CSNK1A1: variants seen among roughly 807,000 people sequenced by gnomAD.
CSNK1A1 encodes casein kinase I isoform alpha.
A neutral mutation model predicts 46.1 loss-of-function variants in CSNK1A1; 7 were observed. The observed-to-expected ratio is 0.15, with a 90% CI of 0.09 to 0.29. CSNK1A1 has a LOEUF of 0.29. Ranked by LOEUF, CSNK1A1 falls within the 10% of genes least tolerant of loss-of-function variation. CSNK1A1 has a pLI of 1.00. For missense variants in CSNK1A1, 96 were observed against 417.1 expected, an observed-to-expected ratio of 0.23 and a Z score of 6.71; for synonymous variants, 137 against 141.5, an observed-to-expected ratio of 0.97 and a Z score of 0.23.
chr5:149,508,504 T>C (rs752089439), intron 7 of CSNK1A1, among the ~76,000 whole-genome samples: 39 of 152,266 alleles, frequency 2.6e-4, no homozygotes, highest in Non-Finnish European at 4.7e-4. Context: ...AAAGACCATA[T>C]GGCCTTCTTT....
intron 2 of CSNK1A1, among the ~76,000 whole-genome samples, chr5:149,545,006 C>T (rs974029092): frequency 1.3e-5 from 2 of 150,924 alleles, no homozygotes; most frequent in African/African-American, 2.4e-5. Flanking sequence ...TGTGGCGGCG[C>T]GCCTGTAATC....
chr5:149,512,984 G>A, intron 5 of CSNK1A1, 86 bp downstream of exon 5: 1 of 1,467,666 alleles, frequency 6.8e-7, no homozygotes, highest in Non-Finnish European at 9.3e-7. Context: ...AACATCCTTA[G>A]ACATTGTAAG....
At chr5:149,501,803 C>A (rs1760866174) in intron 9 of CSNK1A1, 1 of 979,480 alleles carries the variant, frequency 1.0e-6, no homozygotes, top group Non-Finnish European at 1.2e-6. Flanking sequence ...TTTCATTTTC[C>A]TTTACTTATT....
In CSNK1A1 at chr5:149,493,658, A is replaced by G. The variant is rs1336567129; in HGVS notation, c.*3195T>C. 6.6e-6 allele frequency: 1 copy of G among 152,156 alleles called. No individual in the cohort carries two copies. Among genetic ancestry groups the G allele is most frequent in the Non-Finnish European group, 1.5e-5 (1 of 68,036 alleles). The allele number at this position is 152,156 out of a possible 1,614,324, so 9.4% of individuals were successfully genotyped here. On this transcript the variant is annotated 3_prime_UTR_variant, in exon 10 of 10. Coordinates refer to ENST00000377843, the MANE Select transcript of CSNK1A1 (RefSeq NM_001892.6). ...AAAAGATTGTCATTAAGAATATTAC[A>G]ATAGAAATGGAAGTTTTGAGGAGGA...
rs114161867 is a variant in CSNK1A1, at chr5:149,545,181, C to T, written c.230+4894G>A. Among the ~76,000 whole-genome samples the T allele has an allele frequency of 9.6e-3, 1,462 of 151,936 alleles. 19 individuals carry two copies. The highest frequency in any genetic ancestry group is 0.033 in the African/African-American group (1,366 of 41,422). ...GGGCTGGGGTTCAGTGCCCCTAACC[C>T]CAGCACTGTTCAAGGGTCAACTGTA... On this transcript the variant is annotated intron_variant, in intron 2 of 9. Coordinates refer to ENST00000377843, the MANE Select transcript of CSNK1A1 (RefSeq NM_001892.6).
At chr5:149,499,032 A>G (rs1360342596) in intron 9 of CSNK1A1, 4 of 985,362 alleles carry the variant, frequency 4.1e-6, no homozygotes, top group African/African-American at 1.7e-5. Flanking sequence ...AAATGGGTCA[A>G]TGGTATGACA....
rs1450972044 is a variant in CSNK1A1 at position 149,496,763 on chromosome 5, G to C, written c.*90C>G. On this transcript the variant is annotated 3_prime_UTR_variant, in exon 10 of 10. Transcript: ENST00000377843. ...AATGGTTGTCCACAACCACTGGCTA[G>C]TGTACATATGAACTAAAATTTCTAG... 6.6e-7 allele frequency: 1 copy of C among 1,510,726 alleles called. No individual in the cohort carries two copies. The highest frequency in any genetic ancestry group is 8.9e-7 in the Non-Finnish European group (1 of 1,129,790). 93.6% of individuals were successfully genotyped at this position (1,510,726 alleles called of 1,614,324 possible). A position where few individuals can be genotyped will look rare whatever the true frequency, so the allele number is the denominator to read the frequency against.
chr5:149,520,248 ACTTTACT>A, intron 4 of CSNK1A1, 35 bp downstream of exon 4: 6 of 1,273,596 alleles, frequency 4.7e-6, no homozygotes, highest in Non-Finnish European at 6.7e-6. Context: ...TCTTGTCGAA[ACTTTACT>A]CTTTGTTCTT....
rs961154879 is a variant in CSNK1A1 at position 149,495,802 on chromosome 5, G to T, written c.*1051C>A. ...GAATGCCTTTCCCCTTCAGACAAAA[G>T]AATTACTTTTTTCATTTTTCTTAAA... On this transcript the variant is annotated 3_prime_UTR_variant, in exon 10 of 10. Coordinates refer to ENST00000377843, the MANE Select transcript of CSNK1A1 (RefSeq NM_001892.6). 1 of 123,106 alleles carries T rather than the reference G, an allele frequency of 8.1e-6. No homozygotes were observed. Among genetic ancestry groups the T allele is most frequent in the Admixed American group, 8.2e-5 (1 of 12,268 alleles). The allele number at this position is 123,106 out of a possible 1,614,324, so 7.6% of individuals were successfully genotyped here.
intron 2 of CSNK1A1, chr5:149,529,842 T>C: frequency 2.4e-6 from 1 of 416,330 alleles, no homozygotes; most frequent in Non-Finnish European, 4.9e-6. Flanking sequence ...GGAATGACAA[T>C]GACATGGTTA....
chr5:149,551,271 G>T lies in CSNK1A1; in HGVS notation c.-307C>A. 3.5e-6 allele frequency: 1 copy of T among 287,686 alleles called. No individual in the cohort carries two copies. Among genetic ancestry groups the T allele is most frequent in the Non-Finnish European group, 6.7e-6 (1 of 149,680 alleles). 17.8% of individuals were successfully genotyped at this position (287,686 alleles called of 1,614,324 possible). A position where few individuals can be genotyped will look rare whatever the true frequency, so the allele number is the denominator to read the frequency against. On this transcript the variant is annotated 5_prime_UTR_variant, in exon 1 of 10. Transcript: ENST00000377843. ...CGGCGACGTCGCGGGCTGGAAAAGG[G>T]GCGCGGTGAGCTAGGGCGGCGATAC... is the stretch of plus-strand genomic sequence containing the variant.
chr5:149,550,513 T>A lies in CSNK1A1; in HGVS notation c.123+329A>T, dbSNP rs1762624097. Among the ~76,000 whole-genome samples, 3 of 144,312 alleles carry A rather than the reference T, an allele frequency of 2.1e-5. No homozygotes were observed. Among genetic ancestry groups the A allele is most frequent in the African/African-American group, 2.5e-5 (1 of 39,298 alleles). 94.7% of individuals were successfully genotyped at this position (144,312 alleles called of 152,430 possible). The stretch of plus-strand genomic sequence containing the variant: ...CAAGAGGCCCAGTAGAATTAAGAAT[T>A]AAAAAAAAAAAAACATGGGAATCAC... On this transcript the variant is annotated intron_variant, in intron 1 of 9. Coordinates refer to ENST00000377843, the MANE Select transcript of CSNK1A1 (RefSeq NM_001892.6). This position sits in a 1 kb window ranked among gnomAD's most constrained non-coding sequence, Gnocchi z 4.3.
intron 9 of CSNK1A1, among the ~76,000 whole-genome samples, chr5:149,499,517 T>C (rs1760756858): frequency 6.6e-6 from 1 of 152,118 alleles, no homozygotes; most frequent in African/African-American, 2.4e-5. Context: ...ATGCTAACAC[T>C]TTGGGAGGCT....
intron 9 of CSNK1A1, chr5:149,497,123 T>C (rs1423477827): frequency 4.2e-6 from 5 of 1,198,840 alleles, no homozygotes; most frequent in African/African-American, 1.6e-5. Context: ...AAATAATTAT[T>C]AGTAATTCAA....
chr5:149,536,027 C>T (rs531016070), intron 2 of CSNK1A1, among the ~76,000 whole-genome samples: 1 of 152,084 alleles, frequency 6.6e-6, no homozygotes, highest in South Asian at 2.1e-4. Flanking sequence ...GATCTCAGCT[C>T]ACCACAATCT....
At chr5:149,542,640 G>A (rs10059645) in intron 2 of CSNK1A1, among the ~76,000 whole-genome samples, 333 of 12,742 alleles carry the variant, frequency 0.026, 6 homozygotes, top group South Asian at 0.052. Flanking sequence ...ATATATATAT[G>A]TATATATATA....
rs915574236 is a variant in CSNK1A1 at position 149,545,582 on chromosome 5, C to T, written c.230+4493G>A. 3.0e-5 allele frequency: 23 copies of T among 764,530 alleles called. No individual in the cohort carries two copies. In the African/African-American group the frequency reaches 3.5e-4, roughly 11 times the overall value. The allele number at this position is 764,530 out of a possible 1,614,324, so 47.4% of individuals were successfully genotyped here. ...GCAAGTCAATCGAGTTCGCAGCTGA[C>T]ACCCTTTGGGATCTTGGGCTTAACC... On this transcript the variant is annotated intron_variant, in intron 2 of 9. Transcript: ENST00000377843.
chr5:149,532,469 G>C (rs1761933146), intron 2 of CSNK1A1, among the ~76,000 whole-genome samples: 1 of 151,912 alleles, frequency 6.6e-6, no homozygotes, highest in African/African-American at 2.4e-5. Context: ...GAGGCAGATG[G>C]ATCACCTGAG....
intron 4 of CSNK1A1, among the ~76,000 whole-genome samples, chr5:149,513,844 G>A (rs1761312211): frequency 6.6e-6 from 1 of 151,348 alleles, no homozygotes; most frequent in Admixed American, 6.6e-5. Context: ...AGGTTGCAGT[G>A]AGCCAAGACC....
Sources: allele counts gnomAD v4.1 joint callset (sites outside exome capture counted in the v4.1 genomes callset), GRCh38; gene constraint gnomAD v4.1.1; non-coding constraint Gnocchi (gnomAD v3.1); transcripts MANE v1.5; gene names NCBI Gene and HGNC (gene_info 2026-07-23, HGNC 2026-07-21).